The following HAUS8 variants were observed in gnomAD, a reference collection of about 807,000 sequenced individuals.
The protein encoded by HAUS8 is HAUS augmin like complex subunit 8, also known as HAUS augmin-like complex subunit 8.
A neutral mutation model predicts 42.9 loss-of-function variants in HAUS8; 38 were observed. The observed-to-expected ratio is 0.89, with a 90% CI of 0.68 to 1.16. The LOEUF (loss-of-function observed/expected upper bound fraction) is 1.16. Among genes scored for constraint, HAUS8 ranks in the 50% most tolerant of loss-of-function variants. HAUS8 has a pLI of 0.00. For synonymous variants in HAUS8, 199 were observed against 205.8 expected (o/e 0.97, Z 0.28); for missense variants, 494 against 511.6 (o/e 0.97, Z 0.33).
intron 2 of HAUS8, among the ~76,000 whole-genome samples, chr19:17,072,338 C>CT (rs71180355): frequency 0.29 from 25,525 of 87,692 alleles, 3,700 homozygotes; most frequent in South Asian, 0.38. Context: ...CGAGCATTTC[C>CT]TTTTTTTTTT....
chr19:17,063,755 T>C (rs1176492548), intron 3 of HAUS8, among the ~76,000 whole-genome samples: 3 of 152,216 alleles, frequency 2.0e-5, no homozygotes, highest in African/African-American at 4.8e-5. Flanking sequence ...TCATACCTTT[T>C]GCTTCCTGCT....
In HAUS8 at chr19:17,065,967, T is replaced by C. The variant is rs534278621; in HGVS notation, c.147+3064A>G. Among the ~76,000 whole-genome samples the C allele has an allele frequency of 4.1e-5, 5 of 121,644 alleles. No individual in the cohort carries two copies. In the East Asian group the frequency reaches 8.9e-4, roughly 22 times the overall value. 79.8% of individuals were successfully genotyped at this position (121,644 alleles called of 152,430 possible). On this transcript the variant is annotated intron_variant, in intron 3 of 10. Coordinates refer to ENST00000253669, the MANE Select transcript of HAUS8 (RefSeq NM_033417.2). ...CATATCTCACTCTACACATCTCTTA[T>C]CTTCTAAAAAAAAAAAAAAGAGACA... is the stretch of plus-strand genomic sequence containing the variant.
intron 3 of HAUS8, among the ~76,000 whole-genome samples, chr19:17,065,807 G>A (rs528521797): frequency 3.5e-5 from 5 of 143,416 alleles, no homozygotes; most frequent in African/African-American, 1.3e-4. Context: ...CTGGGCGACA[G>A]AGCGAGGCTC....
intron 9 of HAUS8, chr19:17,055,145 T>TATATAC (rs1413597834): frequency 4.9e-4 from 3 of 6,072 alleles, no homozygotes; most frequent in African/African-American, 7.1e-4. Flanking sequence ...AAAAAAAAAA[T>TATATAC]ATATATATAT....
intron 1 of HAUS8, chr19:17,075,179 C>T (rs2057461506): frequency 5.4e-6 from 3 of 559,676 alleles, no homozygotes; most frequent in Non-Finnish European, 9.6e-6. Context: ...CGCCCAGCGT[C>T]CCAGCCGAGG....
At chr19:17,057,507 A>C (rs2057333647) in intron 8 of HAUS8, among the ~76,000 whole-genome samples, 1 of 152,092 alleles carries the variant, frequency 6.6e-6, no homozygotes, top group Non-Finnish European at 1.5e-5. Context: ...AATTGTCACA[A>C]ATCTCTAAAA....
At chr19:17,064,901 T>G (rs1399328781) in intron 3 of HAUS8, among the ~76,000 whole-genome samples, 2 of 152,142 alleles carry the variant, frequency 1.3e-5, no homozygotes, top group Non-Finnish European at 2.9e-5. Flanking sequence ...ATTAAAGCAC[T>G]TAACAGCATG....
chr19:17,058,189 C>T (rs2057337407), intron 8 of HAUS8, among the ~76,000 whole-genome samples: 1 of 152,254 alleles, frequency 6.6e-6, no homozygotes, highest in Non-Finnish European at 1.5e-5. Context: ...CACATGGACA[C>T]TGCTGACCAC....
intron 2 of HAUS8, among the ~76,000 whole-genome samples, chr19:17,069,623 C>T (rs910563252): frequency 6.6e-6 from 1 of 151,736 alleles, no homozygotes. Context: ...CCCAGGTCCC[C>T]TTCCAGGGCT....
chr19:17,055,614 G>A (rs907916136), intron 9 of HAUS8, among the ~76,000 whole-genome samples: 13 of 152,204 alleles, frequency 8.5e-5, no homozygotes, highest in Middle Eastern at 3.4e-3. Context: ...ACTACAGGTC[G>A]TCCCCGCAAA....
intron 2 of HAUS8, among the ~76,000 whole-genome samples, chr19:17,072,030 A>C (rs552405725): frequency 6.6e-6 from 1 of 152,298 alleles, no homozygotes; most frequent in East Asian, 1.9e-4. Context: ...TTTTCCACAG[A>C]AGCAATATTA....
chr19:17,050,097 T>C lies in HAUS8; in HGVS notation c.1009A>G (p.Thr337Ala). The change falls in exon 11 of 11, where the codon ACC becomes GCC. Residue 337 changes from threonine (T) to alanine (A), a missense_variant. Thr to Ala is a moderately conservative substitution (Grantham distance 58). Coordinates refer to ENST00000253669, the MANE Select transcript of HAUS8 (RefSeq NM_033417.2). ...CGGCTGGGGGGCGCCATGCCCTGGG[T>C]CTCTTCCCAGACTTCCTGGTTTGCC... ...ALANQEVWEE[T>A]QGMAPPSRWY... is the part of the protein sequence containing the mutation. 6.3e-7 allele frequency: 1 copy of C among 1,597,570 alleles called. No homozygotes were observed. The highest frequency in any genetic ancestry group is 1.1e-5 in the South Asian group (1 of 88,792).
intron 2 of HAUS8, among the ~76,000 whole-genome samples, chr19:17,071,031 T>C (rs1043552205): frequency 2.7e-5 from 4 of 150,942 alleles, no homozygotes; most frequent in Admixed American, 6.6e-5. Flanking sequence ...GATCGTGCCA[T>C]TGCACTCCAG....
chr19:17,053,317 C>A, intron 9 of HAUS8: 1 of 288,928 alleles, frequency 3.5e-6, no homozygotes, highest in East Asian at 8.5e-5. Context: ...AAAAACAGTC[C>A]TTGTTGCCTG....
intron 9 of HAUS8, chr19:17,053,664 CTTTTTTTTT>C: frequency 7.4e-6 from 1 of 135,884 alleles, no homozygotes; most frequent in African/African-American, 2.7e-5. Context: ...TTCTTTTTTT[CTTTTTTTTT>C]TTTTTTTGAG....
At chr19:17,058,499 C>A (rs1159408404) in intron 8 of HAUS8, 50 bp downstream of exon 8, 2 of 1,516,574 alleles carry the variant, frequency 1.3e-6, no homozygotes, top group East Asian at 2.3e-5. Context: ...GGAGATGGGA[C>A]AGATTCACAG....
intron 4 of HAUS8, 46 bp downstream of exon 4, chr19:17,062,652 T>C: frequency 6.8e-7 from 1 of 1,478,630 alleles, no homozygotes; most frequent in South Asian, 1.1e-5. Context: ...GAGACAAAAT[T>C]TACTGCCGCG....
chr19:17,062,693 C>T lies in HAUS8; in HGVS notation c.229+5G>A, dbSNP rs1423058994. ...CACTGCCCGAGGACCATGGCTGTTTCGCACCTTTGCTTTTCTGGAGCAGGC... is the reference window on the plus strand; with the variant it reads ...CACTGCCCGAGGACCATGGCTGTTTTGCACCTTTGCTTTTCTGGAGCAGGC... On this transcript the variant is annotated splice_donor_5th_base_variant and intron_variant, in intron 4 of 10. Transcript: ENST00000253669. 6.2e-6 allele frequency: 10 copies of T among 1,613,370 alleles called. No homozygotes were observed. Among genetic ancestry groups the T allele is most frequent in the Non-Finnish European group, 7.6e-6 (9 of 1,179,362 alleles).
At chr19:17,070,157 C>T (rs2057412841) in intron 2 of HAUS8, among the ~76,000 whole-genome samples, 1 of 151,250 alleles carries the variant, frequency 6.6e-6, no homozygotes, top group African/African-American at 2.5e-5. Flanking sequence ...GCTCCCCTTT[C>T]TCTCCTTTCT....
Sources: allele counts gnomAD v4.1 joint callset (sites outside exome capture counted in the v4.1 genomes callset), GRCh38; gene constraint gnomAD v4.1.1; transcripts MANE v1.5; gene names NCBI Gene and HGNC (gene_info 2026-07-23, HGNC 2026-07-21).